Variants in AGAP1 observed in about 807,000 individuals in gnomAD.
AGAP1 encodes arf-GAP with GTPase, ANK repeat and PH domain-containing protein 1.
AGAP1 carries 29 observed loss-of-function variants against 105.3 expected under a neutral mutation model. That is an observed-to-expected ratio of 0.28 (90% confidence interval 0.21 to 0.38). The LOEUF is 0.38. AGAP1 is among the 10% of genes least tolerant of loss of function. The pLI is 1.00. For synonymous variants in AGAP1, 509 were observed against 485.9 expected (o/e 1.05, Z -0.63); for missense variants, 998 against 1,165.1 (o/e 0.86, Z 2.09).
rs762910532 is a variant in AGAP1, at chr2:236,123,986, C to T, written c.2438C>T (p.Ser813Phe). 6.2e-7 allele frequency: 1 copy of T among 1,614,052 alleles called. No homozygotes were observed. Residue 813 changes from serine to phenylalanine, a missense_variant, in exon 18 of 18, where the codon TCC becomes TTC. Physicochemically the swap from Ser to Phe is radical, Grantham distance 155 (BLOSUM62 -2). Coordinates refer to ENST00000304032, the MANE Select transcript of AGAP1 (RefSeq NM_001037131.3). The surrounding 1 kb of genome is among the most constrained non-coding windows in gnomAD (Gnocchi z 4.6). ...NTALAYARQA[S>F]SQECIDVLLQ... ...GCTCTGGCCTACGCCCGGCAGGCCT[C>T]CAGCCAGGAGTGCATCGACGTGCTG... is the stretch of plus-strand genomic sequence containing the variant.
At chr2:235,986,042 C>T (rs2055301238) in intron 13 of AGAP1, among the ~76,000 whole-genome samples, 1 of 152,138 alleles carries the variant, frequency 6.6e-6, no homozygotes, top group Non-Finnish European at 1.5e-5. Flanking sequence ...AGCATTGAAT[C>T]TATAAATTAC....
rs771496382 is a variant in AGAP1, at chr2:235,631,225, C to T, written c.164-77954C>T. On this transcript the variant is annotated intron_variant, in intron 1 of 17. Coordinates refer to ENST00000304032, the MANE Select transcript of AGAP1 (RefSeq NM_001037131.3). The surrounding 1 kb of genome is among the most constrained non-coding windows in gnomAD (Gnocchi z 5.4). ...CCTTCCAGTGGGTAAATGGCAAACT[C>T]GATAACTGGAATGCTGTCAGATCCC... 3.3e-5 allele frequency among the ~76,000 whole-genome samples: 5 copies of T among 152,082 alleles called. No individual in the cohort carries two copies. The highest frequency in any genetic ancestry group is 7.2e-5 in the African/African-American group (3 of 41,406).
intron 9 of AGAP1, among the ~76,000 whole-genome samples, chr2:235,819,886 T>C (rs1958686931): frequency 6.7e-6 from 1 of 149,608 alleles, no homozygotes; most frequent in African/African-American, 2.4e-5. Context: ...AAATGGCTTT[T>C]TTTTTTCTTC....
chr2:235,666,634 G>A (rs1948135997), intron 1 of AGAP1, among the ~76,000 whole-genome samples: 1 of 151,030 alleles, frequency 6.6e-6, no homozygotes, highest in South Asian at 2.1e-4. Context: ...CATCTAAGGT[G>A]GATGGAATGG....
chr2:235,496,825 C>T (rs1368892347), intron 1 of AGAP1, among the ~76,000 whole-genome samples: 1 of 151,882 alleles, frequency 6.6e-6, no homozygotes, highest in Non-Finnish European at 1.5e-5. Flanking sequence ...CCTACCTTTG[C>T]GATTTGAGAT....
chr2:235,816,488 AGGTCAGACTTAG>A (rs1423700055), intron 9 of AGAP1, among the ~76,000 whole-genome samples: 3 of 151,338 alleles, frequency 2.0e-5, no homozygotes, highest in Non-Finnish European at 4.4e-5. Context: ...CAGAGACTCC[AGGTCAGACTTAG>A]GAGGCCTTTC....
intron 6 of AGAP1, among the ~76,000 whole-genome samples, chr2:235,764,031 TGGCCCGTGCGTGGCTCC>T (rs1167756451): frequency 2.0e-5 from 3 of 152,048 alleles, no homozygotes; most frequent in African/African-American, 4.8e-5. Context: ...TGCGTGGCTT[TGGCCCGTGCGTGGCTCC>T]GGCCCGTGTG....
rs561100460 is a variant in AGAP1, at chr2:235,832,992, C to T, written c.1050+25661C>T. On this transcript the variant is annotated intron_variant, in intron 9 of 17. Transcript: ENST00000304032. ...TGACCGAGGACCAGGGCCTTTGGCT[C>T]TGAGACTGTGTGACATCTGATGGCC... 1.1e-3 allele frequency among the ~76,000 whole-genome samples: 169 copies of T among 152,328 alleles called. 1 individual carries two copies. The highest frequency in any genetic ancestry group is 3.9e-3 in the African/African-American group (164 of 41,580).
At position 236,104,830 on chromosome 2, in the gene AGAP1, C is replaced by T. The variant is rs938720287; in HGVS notation, c.2115-15362C>T. Among the ~76,000 whole-genome samples the T allele has an allele frequency of 2.0e-5, 3 of 151,774 alleles. No homozygotes were observed. Among genetic ancestry groups the T allele is most frequent in the Non-Finnish European group, 4.4e-5 (3 of 67,950 alleles). On this transcript the variant is annotated intron_variant, in intron 16 of 17. Transcript: ENST00000304032. The surrounding 1 kb of genome is among the most constrained non-coding windows in gnomAD (Gnocchi z 4.7). The stretch of plus-strand genomic sequence containing the variant: ...ATCGCTTGAACCGGGACCCGGGAGG[C>T]GGAGGTAGCAGTGAGCCCAAGTTCA...
At position 236,027,545 on chromosome 2, in the gene AGAP1, C is replaced by A. The variant is rs1445349491; in HGVS notation, c.1646-9016C>A. Among the ~76,000 whole-genome samples the A allele has an allele frequency of 1.1e-4, 16 of 152,152 alleles. No homozygotes were observed. Among genetic ancestry groups the A allele is most frequent in the Admixed American group, 8.5e-4 (13 of 15,272 alleles). On this transcript the variant is annotated intron_variant, in intron 13 of 17. Coordinates refer to ENST00000304032, the MANE Select transcript of AGAP1 (RefSeq NM_001037131.3). The surrounding 1 kb of genome is among the most constrained non-coding windows in gnomAD (Gnocchi z 4.4). ...CTCCCCCAGGGCAGACTGAGCCTCT[C>A]CCCTCCAGGTGTCCCAGATGTTTGC...
chr2:236,104,966 G>C lies in AGAP1; in HGVS notation c.2115-15226G>C, dbSNP rs13390058. 0.018 allele frequency among the ~76,000 whole-genome samples: 2,751 copies of C among 152,236 alleles called. 81 individuals carry two copies. Among genetic ancestry groups the C allele is most frequent in the African/African-American group, 0.061 (2,537 of 41,534 alleles). ...TACCAGAGCAGAGCTGTGGATGCCC[G>C]TCTAAGCCTGTGCCCATAGCTCTGA... On this transcript the variant is annotated intron_variant, in intron 16 of 17. Coordinates refer to ENST00000304032, the MANE Select transcript of AGAP1 (RefSeq NM_001037131.3). This position sits in a 1 kb window ranked among gnomAD's most constrained non-coding sequence, Gnocchi z 4.7.
chr2:235,650,159 C>G (rs1333852023), intron 1 of AGAP1, among the ~76,000 whole-genome samples: 1 of 152,100 alleles, frequency 6.6e-6, no homozygotes, highest in Non-Finnish European at 1.5e-5. Flanking sequence ...GTCAGGAGTT[C>G]GAGACCAGCC....
Position 235,959,291 on chromosome 2 carries a change from G to A in AGAP1, c.1484-9171G>A, listed in dbSNP as rs1461874450. Among the ~76,000 whole-genome samples the A allele has an allele frequency of 2.0e-5, 3 of 152,192 alleles. No individual in the cohort carries two copies. The highest frequency in any genetic ancestry group is 4.4e-5 in the Non-Finnish European group (3 of 68,038). ...GGAGCTCATTTACAGTGTCTCAGGC[G>A]GGGCTTTCGGGGCCTCTTCAATTTG... On this transcript the variant is annotated intron_variant, in intron 12 of 17. Transcript: ENST00000304032. This position sits in a 1 kb window ranked among gnomAD's most constrained non-coding sequence, Gnocchi z 7.3.
At chr2:235,735,442 G>A (rs937571393) in intron 3 of AGAP1, among the ~76,000 whole-genome samples, 9 of 152,080 alleles carry the variant, frequency 5.9e-5, no homozygotes, top group Non-Finnish European at 1.0e-4. Flanking sequence ...GCTCAACCTC[G>A]CGTGAGTGCA....
At chr2:235,602,842 C>G (rs1006881654) in intron 1 of AGAP1, among the ~76,000 whole-genome samples, 24 of 152,300 alleles carry the variant, frequency 1.6e-4, no homozygotes, top group African/African-American at 5.3e-4. Flanking sequence ...GCTGGGATTA[C>G]AAGCACTTGC....
chr2:235,850,042 G>GC (rs1335753859), intron 9 of AGAP1, among the ~76,000 whole-genome samples: 2 of 152,220 alleles, frequency 1.3e-5, no homozygotes, highest in Non-Finnish European at 2.9e-5. Flanking sequence ...TCCTGAGCAG[G>GC]TCTGGCCTGG....
Position 235,959,486 on chromosome 2 carries a change from C to T in AGAP1, c.1484-8976C>T, listed in dbSNP as rs1313837896. On this transcript the variant is annotated intron_variant, in intron 12 of 17. Transcript: ENST00000304032. This position sits in a 1 kb window ranked among gnomAD's most constrained non-coding sequence, Gnocchi z 7.3. Reference sequence around the variant, plus strand: ...GCATTCATATTCCCGTGGCCGAGCTCAGCGCCCAGTGGACGGGAACCCGGT... The same window carrying T: ...GCATTCATATTCCCGTGGCCGAGCTTAGCGCCCAGTGGACGGGAACCCGGT... Among the ~76,000 whole-genome samples the T allele has an allele frequency of 3.3e-5, 5 of 152,172 alleles. No individual in the cohort carries two copies. The highest frequency in any genetic ancestry group is 1.9e-4 in the East Asian group (1 of 5,190).
rs184851268 is a variant in AGAP1 at position 236,066,124 on chromosome 2, C to T, written c.2114+16843C>T. Among the ~76,000 whole-genome samples the T allele has an allele frequency of 5.7e-3, 867 of 152,380 alleles. 7 individuals are homozygous for T. Among genetic ancestry groups the T allele is most frequent in the African/African-American group, 0.02 (818 of 41,594 alleles). On this transcript the variant is annotated intron_variant, in intron 16 of 17. Transcript: ENST00000304032. ...CTGCCCAAGCTCTGGAGGGGACACT[C>T]ACTGTGCAAATCCGTTTACTGACAC...
rs1559495900 is a variant in AGAP1, at chr2:235,793,584, C to A, written c.674-4175C>A. The stretch of plus-strand genomic sequence containing the variant: ...TTTTCTCACCTGCAAAATGAAAGAG[C>A]TGACAGGATGAAATGAGTTAATAGA... On this transcript the variant is annotated intron_variant, in intron 6 of 17. Transcript: ENST00000304032. This position sits in a 1 kb window ranked among gnomAD's most constrained non-coding sequence, Gnocchi z 5.3. 6.6e-6 allele frequency among the ~76,000 whole-genome samples: 1 copy of A among 152,084 alleles called. No homozygotes were observed. The highest frequency in any genetic ancestry group is 2.4e-5 in the African/African-American group (1 of 41,408).
Sources: gnomAD v4.1 joint callset for allele counts (sites outside exome capture counted in the v4.1 genomes callset) on GRCh38, gnomAD v4.1.1 for gene constraint, Gnocchi (gnomAD v3.1) non-coding constraint, MANE v1.5 for transcripts, NCBI Gene and HGNC (gene_info 2026-07-23, HGNC 2026-07-21) for gene names.